Variants in ITGAV observed in about 807,000 individuals in gnomAD.
The protein encoded by ITGAV is integrin alpha-V.
In ITGAV, 76 loss-of-function variants were observed where a neutral mutation model predicts 143.8. The ratio of observed to expected loss-of-function variants is 0.53; its 90% CI spans 0.44 to 0.64. ITGAV has a LOEUF of 0.64. Ranked by LOEUF, ITGAV falls within the 30% of genes least tolerant of loss-of-function variation. The pLI, the probability that ITGAV is intolerant of heterozygous loss-of-function variation, is 0.00. For missense variants in ITGAV, 1,193 were observed against 1,274.7 expected (o/e 0.94, Z 0.98); for synonymous variants, 453 against 446.7 (o/e 1.01, Z -0.18).
intron 1 of ITGAV, chr2:186,600,167 G>A (rs548303926): frequency 3.4e-6 from 2 of 585,812 alleles, no homozygotes; most frequent in South Asian, 5.1e-5. Flanking sequence ...CTTATCTTGT[G>A]CCACTCCCGG....
intron 7 of ITGAV, among the ~76,000 whole-genome samples, chr2:186,636,801 T>A (rs1445801937): frequency 6.6e-6 from 1 of 152,244 alleles, no homozygotes. Flanking sequence ...TGATGAGTTG[T>A]AAATTTGGTG....
chr2:186,673,327 G>C (rs1689117877), intron 26 of ITGAV, among the ~76,000 whole-genome samples: 1 of 152,162 alleles, frequency 6.6e-6, no homozygotes, highest in African/African-American at 2.4e-5. Context: ...CATAGCTCTG[G>C]AGTTCAGGTT....
At chr2:186,633,297 T>C (rs1687864287) in intron 5 of ITGAV, 32 bp from the exon 6 acceptor site, 8 of 1,437,906 alleles carry the variant, frequency 5.6e-6, no homozygotes, top group Non-Finnish European at 7.7e-6. Context: ...GTTCTTTAAA[T>C]ATATATCTTT....
chr2:186,617,348 A>G (rs1367864784), intron 2 of ITGAV, among the ~76,000 whole-genome samples: 1 of 152,234 alleles, frequency 6.6e-6, no homozygotes, highest in East Asian at 1.9e-4. Context: ...TGAGTGCCAA[A>G]TGTGTTGACA....
chr2:186,625,020 T>C (rs1214868880), intron 3 of ITGAV, among the ~76,000 whole-genome samples: 1 of 152,158 alleles, frequency 6.6e-6, no homozygotes, highest in Non-Finnish European at 1.5e-5. Flanking sequence ...CTTAATATCT[T>C]TATTTACCAC....
intron 1 of ITGAV, among the ~76,000 whole-genome samples, chr2:186,593,470 T>TC (rs1686668826): frequency 6.6e-6 from 1 of 151,866 alleles, no homozygotes; most frequent in Non-Finnish European, 1.5e-5. Context: ...TGTTTTTTTT[T>TC]CTATAAGCAT....
At chr2:186,650,320 C>T (rs1363762546) in intron 14 of ITGAV, among the ~76,000 whole-genome samples, 2 of 152,156 alleles carry the variant, frequency 1.3e-5, no homozygotes, top group African/African-American at 4.8e-5. Flanking sequence ...CATGCCTCAG[C>T]CTCCCAAGTA....
intron 2 of ITGAV, among the ~76,000 whole-genome samples, chr2:186,616,273 A>ATTTTTTT (rs35938539): frequency 1.3e-5 from 1 of 79,694 alleles, no homozygotes; most frequent in Non-Finnish European, 2.4e-5. Context: ...GATATACCTT[A>ATTTTTTT]TTTTTTTTTT....
At chr2:186,673,375 A>C (rs1457737579) in intron 26 of ITGAV, among the ~76,000 whole-genome samples, 1 of 152,154 alleles carries the variant, frequency 6.6e-6, no homozygotes, top group Non-Finnish European at 1.5e-5. Flanking sequence ...TATTCCTTTT[A>C]AGATTATTTT....
intron 2 of ITGAV, among the ~76,000 whole-genome samples, chr2:186,615,557 A>G (rs755221556): frequency 2.6e-5 from 4 of 152,090 alleles, no homozygotes; most frequent in Non-Finnish European, 5.9e-5. Flanking sequence ...CCGATGATGA[A>G]TAATGTTGAA....
Position 186,668,815 on chromosome 2 carries a change from G to A in ITGAV, c.2487G>A (p.Trp829Ter), listed in dbSNP as rs1208064029. The stretch of plus-strand genomic sequence containing the variant: ...GCAAGGCAATGCTCCATCTTCAGTG[G>A]CCTTACAAATATAATAATAACACTC... ...SFSKAMLHLQ[W>*]PYKYNNNTLL... Residue 829 changes from tryptophan (W) to a stop codon, truncating the protein, a stop_gained, in exon 25 of 30, where the codon TGG becomes TGA. Coordinates refer to ENST00000261023, the MANE Select transcript of ITGAV (RefSeq NM_002210.5). LOFTEE classifies it high-confidence loss of function. The A allele has an allele frequency of 6.2e-7, 1 of 1,613,592 alleles. No individual in the cohort carries two copies. Among genetic ancestry groups the A allele is most frequent in the Non-Finnish European group, 8.5e-7 (1 of 1,179,768 alleles).
In ITGAV at chr2:186,659,094, G is replaced by A. The variant is rs971050120; in HGVS notation, c.1776G>A (p.Arg592=). 2 of 1,610,678 alleles carry A rather than the reference G, an allele frequency of 1.2e-6. No individual in the cohort carries two copies. Among genetic ancestry groups the A allele is most frequent in the South Asian group, 1.1e-5 (1 of 90,872 alleles). Residue 592 remains arginine (R), a synonymous_variant, in exon 18 of 30, where the codon CGG becomes CGA. Transcript: ENST00000261023. ...LTPITIFMEY[R]LDYRTAADTT... is the part of the protein sequence containing the mutation. The stretch of plus-strand genomic sequence containing the variant: ...CAATTACTATTTTTATGGAATATCG[G>A]TTGGATTATAGAACAGCTGCTGATA...
chr2:186,613,069 A>G (rs1687259360), intron 2 of ITGAV, among the ~76,000 whole-genome samples: 1 of 151,360 alleles, frequency 6.6e-6, no homozygotes, highest in Non-Finnish European at 1.5e-5. Context: ...CAAACTCACA[A>G]GCTCTTTTAA....
intron 2 of ITGAV, among the ~76,000 whole-genome samples, chr2:186,604,395 A>T (rs1428895004): frequency 2.0e-5 from 3 of 152,192 alleles, no homozygotes; most frequent in Non-Finnish European, 2.9e-5. Flanking sequence ...TAATTTGCTT[A>T]AATTATATTT....
chr2:186,648,596 C>T (rs1469702101), intron 13 of ITGAV, among the ~76,000 whole-genome samples: 8 of 152,142 alleles, frequency 5.3e-5, no homozygotes, highest in Non-Finnish European at 1.0e-4. Flanking sequence ...TCCTGAGTAG[C>T]TGGGATTACA....
rs572975522 is a variant in ITGAV at position 186,594,212 on chromosome 2, G to A, written c.185+3689G>A. Among the ~76,000 whole-genome samples, 11 of 152,204 alleles carry A rather than the reference G, an allele frequency of 7.2e-5. No homozygotes were observed. In the East Asian group the frequency reaches 9.6e-4, roughly 13 times the overall value. On this transcript the variant is annotated intron_variant, in intron 1 of 29. Transcript: ENST00000261023. ...TGGCCTGGCCTGTGAATCATTTCTC[G>A]TTGACTAGCCTGTCTTAACTCAATT...
In ITGAV at chr2:186,677,214, G is replaced by T. The variant is rs750084544; in HGVS notation, c.3069G>T (p.Arg1023=). The T allele has an allele frequency of 6.2e-7, 1 of 1,613,652 alleles. No homozygotes were observed. Among genetic ancestry groups the T allele is most frequent in the East Asian group, 2.2e-5 (1 of 44,844 alleles). Residue 1023 remains arginine, a synonymous_variant, in exon 30 of 30, where the codon CGG becomes CGT. Coordinates refer to ENST00000261023, the MANE Select transcript of ITGAV (RefSeq NM_002210.5). Reference sequence around the variant, plus strand: ...ACTGACAGATGGGCTTTTTTAAACGGGTCCGGCCACCTCAAGAAGAACAAG... The same window carrying T: ...ACTGACAGATGGGCTTTTTTAAACGTGTCCGGCCACCTCAAGAAGAACAAG... ...FVMYRMGFFK[R]VRPPQEEQER...
At chr2:186,658,953 A>G in intron 17 of ITGAV, 85 bp from the exon 18 acceptor site, 2 of 938,760 alleles carry the variant, frequency 2.1e-6, no homozygotes, top group Non-Finnish European at 3.2e-6. Context: ...GGATGAATAC[A>G]GCTGGCTTTG....
In ITGAV at chr2:186,600,368, A is replaced by G. The variant is rs773272114; in HGVS notation, c.186-1653A>G. 1.7e-4 allele frequency: 254 copies of G among 1,536,452 alleles called. No individual in the cohort carries two copies. In the Admixed American group the frequency reaches 2.3e-3, roughly 14 times the overall value. On this transcript the variant is annotated intron_variant, in intron 1 of 29. Transcript: ENST00000261023. Reference sequence around the variant, plus strand: ...AGGCACCCTCCTTCTGATCCTGTACATCTTAATGTTGTGGTGAGTTCCTTA... The same window carrying G: ...AGGCACCCTCCTTCTGATCCTGTACGTCTTAATGTTGTGGTGAGTTCCTTA...
Sources: allele counts gnomAD v4.1 joint callset (sites outside exome capture counted in the v4.1 genomes callset), GRCh38; gene constraint gnomAD v4.1.1; transcripts MANE v1.5; gene names NCBI Gene and HGNC (gene_info 2026-07-23, HGNC 2026-07-21).